Variants in TAP2 observed in about 807,000 individuals in gnomAD.
TAP2 encodes the protein transporter 2, ATP binding cassette subfamily B member.
A neutral mutation model predicts 74.7 loss-of-function variants in TAP2; 49 were observed. The observed-to-expected ratio is 0.66, with a 90% CI of 0.52 to 0.83. TAP2 has a LOEUF of 0.83. Among genes scored for constraint, TAP2 ranks in the 40% least tolerant of loss-of-function variants. The pLI is 0.00. For missense variants in TAP2, 739 were observed against 859.0 expected (o/e 0.86, Z 1.75); for synonymous variants, 306 against 368.4 (o/e 0.83, Z 1.94).
At position 32,835,334 on chromosome 6, in the gene TAP2, C is replaced by T. The variant is rs757749376; in HGVS notation, c.765G>A (p.Ser255=). The change falls in exon 5 of 12, where the codon TCG becomes TCA. Residue 255 remains serine, a synonymous_variant. Transcript: ENST00000374897. This position sits in a 1 kb window ranked among gnomAD's most constrained non-coding sequence, Gnocchi z 4.0. ...KTGELNSRLS[S]DTTLMSNWLP... is the part of the protein sequence containing the mutation. ...GCCAGTTACTCATCAGGGTGGTATCCGAGCTCAGCCGTGAGTTCAGCTCCC... is the reference window on the plus strand; with the variant it reads ...GCCAGTTACTCATCAGGGTGGTATCTGAGCTCAGCCGTGAGTTCAGCTCCC... The T allele has an allele frequency of 3.7e-6, 6 of 1,613,054 alleles. No individual in the cohort carries two copies. The highest frequency in any genetic ancestry group is 1.3e-5 in the African/African-American group (1 of 75,032).
chr6:32,830,172 A>C, intron 9 of TAP2, 83 bp from the exon 10 acceptor site: 1 of 1,612,360 alleles, frequency 6.2e-7, no homozygotes, highest in Non-Finnish European at 8.5e-7. Context: ...TACCTCCCTC[A>C]GAATGAACAC....
Position 32,832,489 on chromosome 6 carries a change from CTGG to C in TAP2, c.1144-31_1144-29del. On this transcript the variant is annotated intron_variant, in intron 6 of 11. Transcript: ENST00000374897. This position sits in a 1 kb window ranked among gnomAD's most constrained non-coding sequence, Gnocchi z 5.9. ...GGAAGAGGAGAAGAAAGAGATGAGGCTGGGAATCTTCCCATTCTTTCCCCCTCT... is the reference window on the plus strand; with the variant it reads ...GGAAGAGGAGAAGAAAGAGATGAGGCGAATCTTCCCATTCTTTCCCCCTCT... 3 of 1,611,478 alleles carry C rather than the reference CTGG, an allele frequency of 1.9e-6. No homozygotes were observed. Among genetic ancestry groups the C allele is most frequent in the Non-Finnish European group, 2.5e-6 (3 of 1,179,318 alleles).
chr6:32,829,448 G>C lies in TAP2; in HGVS notation c.1884C>G (p.Leu628=), dbSNP rs749944686. The C allele has an allele frequency of 4.1e-5, 66 of 1,612,120 alleles. No homozygotes were observed. The highest frequency in any genetic ancestry group is 5.4e-5 in the Non-Finnish European group (64 of 1,179,216). ...GGGCACTAGTAGCCTCATCCAGGAT[G>C]AGGACCCGCGGGTCTCGTACAAGGG... The part of the protein sequence containing the change: ...ARALVRDPRV[L]ILDEATSALD... The change falls in exon 11 of 12, where the codon CTC becomes CTG. Residue 628 remains leucine (L), a synonymous_variant. Transcript: ENST00000374897.
At chr6:32,836,081 A>C (rs1262216040) in intron 3 of TAP2, among the ~76,000 whole-genome samples, 1 of 152,124 alleles carries the variant, frequency 6.6e-6, no homozygotes, top group African/African-American at 2.4e-5. Context: ...TAGAAGGGAA[A>C]AGATATTGTG....
Position 32,826,797 on chromosome 6 carries a change from T to C in TAP2, c.*2109A>G. On this transcript the variant is annotated 3_prime_UTR_variant, in exon 12 of 12. Coordinates refer to ENST00000374897, the MANE Select transcript of TAP2 (RefSeq NM_001290043.2). ...GATGCCTTCCAGGCTTAAAGTATTA[T>C]GATGCATGGGTATAACTGTACTGAG... The C allele has an allele frequency of 1.0e-6, 1 of 985,490 alleles. No homozygotes were observed. Among genetic ancestry groups the C allele is most frequent in the Non-Finnish European group, 1.2e-6 (1 of 829,944 alleles). 61.0% of individuals were successfully genotyped at this position (985,490 alleles called of 1,614,324 possible). A position where few individuals can be genotyped will look rare whatever the true frequency, so the allele number is the denominator to read the frequency against.
chr6:32,823,827 A>G (rs1426765289), downstream of TAP2, among the ~76,000 whole-genome samples: 1 of 152,104 alleles, frequency 6.6e-6, no homozygotes, highest in Non-Finnish European at 1.5e-5. Context: ...ACCTTTTCAG[A>G]TATTAAGGAA....
chr6:32,830,882 C>G, intron 7 of TAP2, 76 bp from the exon 8 acceptor site: 4 of 1,268,644 alleles, frequency 3.2e-6, no homozygotes, highest in African/African-American at 3.0e-5. Flanking sequence ...TCCTCACACA[C>G]TCCACTCACA....
Position 32,828,679 on chromosome 6 carries a change from CCA to C in TAP2, c.*225_*226del. On this transcript the variant is annotated 3_prime_UTR_variant, in exon 12 of 12. Transcript: ENST00000374897. ...TAAGTTTCCTGGACACAGACAGCCC[CCA>C]CCCCACCCCACCCCACCTCTCTACC... 1 of 948,138 alleles carries C rather than the reference CCA, an allele frequency of 1.1e-6. No homozygotes were observed. Among genetic ancestry groups the C allele is most frequent in the South Asian group, 4.3e-5 (1 of 23,290 alleles). 58.7% of individuals were successfully genotyped at this position (948,138 alleles called of 1,614,324 possible).
downstream of TAP2, among the ~76,000 whole-genome samples, chr6:32,825,225 C>T (rs1768569261): frequency 6.6e-6 from 1 of 151,314 alleles, no homozygotes; most frequent in Non-Finnish European, 1.5e-5. Flanking sequence ...TTTGCAATAT[C>T]TATCAATATT....
At chr6:32,834,831 G>C (rs943454582) in intron 5 of TAP2, among the ~76,000 whole-genome samples, 1 of 152,140 alleles carries the variant, frequency 6.6e-6, no homozygotes, top group East Asian at 1.9e-4. Flanking sequence ...CGCAGTGGGG[G>C]CGGGGGATGT....
At chr6:32,829,643 G>A in intron 10 of TAP2, 107 bp from the exon 11 acceptor site, 2 of 1,555,922 alleles carry the variant, frequency 1.3e-6, no homozygotes, top group Non-Finnish European at 1.8e-6. Context: ...CGGGAGGTGG[G>A]AGGGCCCAGT....
In TAP2 at chr6:32,826,451, G is replaced by C. The variant is rs1027485334; in HGVS notation, c.*2455C>G. The C allele has an allele frequency of 1.0e-6, 1 of 985,416 alleles. No homozygotes were observed. Among genetic ancestry groups the C allele is most frequent in the Non-Finnish European group, 1.2e-6 (1 of 829,948 alleles). 61.0% of individuals were successfully genotyped at this position (985,416 alleles called of 1,614,324 possible). On this transcript the variant is annotated 3_prime_UTR_variant, in exon 12 of 12. Coordinates refer to ENST00000374897, the MANE Select transcript of TAP2 (RefSeq NM_001290043.2). ...AAGGAGATCAATCAAATGGTGATGG[G>C]GGGTAGGAGTGAACAAAAAGAACTC...
At chr6:32,834,060 C>T (rs1004407589) in intron 5 of TAP2, among the ~76,000 whole-genome samples, 5 of 152,220 alleles carry the variant, frequency 3.3e-5, no homozygotes, top group South Asian at 4.1e-4. Flanking sequence ...TTATCAGCAG[C>T]GTAAAAATGG....
rs1332168711 is a variant in TAP2, at chr6:32,835,202, G to A, written c.897C>T (p.His299=). 1 of 1,613,072 alleles carries A rather than the reference G, an allele frequency of 6.2e-7. No homozygotes were observed. Among genetic ancestry groups the A allele is most frequent in the Non-Finnish European group, 8.5e-7 (1 of 1,180,036 alleles). Residue 299 remains histidine (H), a synonymous_variant, in exon 5 of 12, where the codon CAC becomes CAT. Transcript: ENST00000374897. This position sits in a 1 kb window ranked among gnomAD's most constrained non-coding sequence, Gnocchi z 4.0. ...TCTCCGCTGCTATTGTGAAGGGCAT[G>A]TGCAGCAGAGAAAGGAGGGTGAGTC... ...SPRLTLLSLL[H]MPFTIAAEKV...
chr6:32,838,019 G>A lies in TAP2; in HGVS notation c.215C>T (p.Ala72Val), dbSNP rs760326956. 6.2e-7 allele frequency: 1 copy of A among 1,612,398 alleles called. No homozygotes were observed. The highest frequency in any genetic ancestry group is 2.2e-5 in the East Asian group (1 of 44,864). The change falls in exon 2 of 12, where the codon GCC becomes GTC. Residue 72 changes from alanine to valine, a missense_variant. Transcript: ENST00000374897. ...TCTCAGGGAGACAGTCAGGGGGGTG[G>A]CCAGACAGAGCGGGAGCAGCAGTGT... is the stretch of plus-strand genomic sequence containing the variant. ...VGTLLLPLCL[A>V]TPLTVSLRAL...
At chr6:32,836,096 C>T (rs1248411503) in intron 3 of TAP2, among the ~76,000 whole-genome samples, 1 of 152,192 alleles carries the variant, frequency 6.6e-6, no homozygotes, top group Non-Finnish European at 1.5e-5. Context: ...ATTGTGAAAA[C>T]AAGTATCCCA....
chr6:32,829,254 CG>C (rs1319908901), intron 11 of TAP2, 145 bp downstream of exon 11: 1 of 1,444,500 alleles, frequency 6.9e-7, no homozygotes, highest in Non-Finnish European at 9.4e-7. Flanking sequence ...CTCACACCAC[CG>C]GATTCCATTC....
In TAP2 at chr6:32,835,400, G is replaced by C; in HGVS notation, c.740-41C>G. 6.2e-7 allele frequency: 1 copy of C among 1,604,146 alleles called. No individual in the cohort carries two copies. The highest frequency in any genetic ancestry group is 1.7e-5 in the Admixed American group (1 of 59,858). ...CAGGTGAGGAAAAAGGAAACCATGTGTACTGCAGGGCCCCCAGAAACTCCC... is the reference window on the plus strand; with the variant it reads ...CAGGTGAGGAAAAAGGAAACCATGTCTACTGCAGGGCCCCCAGAAACTCCC... On this transcript the variant is annotated intron_variant, in intron 4 of 11. Transcript: ENST00000374897. The surrounding 1 kb of genome is among the most constrained non-coding windows in gnomAD (Gnocchi z 4.0).
At position 32,828,689 on chromosome 6, in the gene TAP2, C is replaced by A. The variant is rs114247673; in HGVS notation, c.*217G>T. 1,159 of 943,618 alleles carry A rather than the reference C, an allele frequency of 1.2e-3. No individual in the cohort carries two copies. The highest frequency in any genetic ancestry group is 2.7e-3 in the Middle Eastern group (5 of 1,858). 58.5% of individuals were successfully genotyped at this position (943,618 alleles called of 1,614,324 possible). A position where few individuals can be genotyped will look rare whatever the true frequency, so the allele number is the denominator to read the frequency against. On this transcript the variant is annotated 3_prime_UTR_variant, in exon 12 of 12. Coordinates refer to ENST00000374897, the MANE Select transcript of TAP2 (RefSeq NM_001290043.2). ...GGACACAGACAGCCCCCACCCCACC[C>A]CACCCCACCTCTCTACCCCACCAAA...
Sources: allele counts gnomAD v4.1 joint callset (sites outside exome capture counted in the v4.1 genomes callset), GRCh38; gene constraint gnomAD v4.1.1; non-coding constraint Gnocchi (gnomAD v3.1); transcripts MANE v1.5; gene names NCBI Gene and HGNC (gene_info 2026-07-23, HGNC 2026-07-21).